DIP2C: variants seen among roughly 807,000 people sequenced by gnomAD.
DIP2C encodes DIP2 acetate--CoA ligase C (putative).
DIP2C carries 33 observed loss-of-function variants against 192.4 expected under a neutral mutation model. The observed-to-expected ratio is 0.17, with a 90% CI of 0.13 to 0.23. The LOEUF (loss-of-function observed/expected upper bound fraction) is 0.23, where lower values mean the gene tolerates loss of function less well. DIP2C is among the 10% of genes least tolerant of loss of function. The probability of loss-of-function intolerance (pLI) is 1.00; values close to 1 mark genes in which losing one functional copy is unlikely to be tolerated. For synonymous variants in DIP2C, 979 were observed against 864.1 expected (o/e 1.13, Z -2.33); for missense variants, 1,537 against 2,110.1 (o/e 0.73, Z 5.32).
intron 3 of DIP2C, among the ~76,000 whole-genome samples, chr10:452,906 G>A (rs1564731057): frequency 3.3e-5 from 5 of 152,196 alleles, no homozygotes; most frequent in African/African-American, 1.2e-4. Context: ...CAACGCCAGC[G>A]GATCACCGGG....
rs1246104845 is a variant in DIP2C, at chr10:666,361, C to T, written c.85+23133G>A. 6.6e-6 allele frequency: 1 copy of T among 152,188 alleles called. No homozygotes were observed. The highest frequency in any genetic ancestry group is 1.5e-5 in the Non-Finnish European group (1 of 68,062). 9.4% of individuals were successfully genotyped at this position (152,188 alleles called of 1,614,324 possible). A position where few individuals can be genotyped will look rare whatever the true frequency, so the allele number is the denominator to read the frequency against. Reference sequence around the variant, plus strand: ...AGCAGGGAGAAGAATCCAGAGCGTCCCCGCCTCCCTCCCTCACCGCCCTCC... The same window carrying T: ...AGCAGGGAGAAGAATCCAGAGCGTCTCCGCCTCCCTCCCTCACCGCCCTCC... On this transcript the variant is annotated intron_variant, in intron 1 of 36. Transcript: ENST00000280886. The surrounding 1 kb of genome is among the most constrained non-coding windows in gnomAD (Gnocchi z 4.1).
At chr10:580,501 AAT>A (rs368874039) in intron 1 of DIP2C, among the ~76,000 whole-genome samples, 161 of 152,272 alleles carry the variant, frequency 1.1e-3, no homozygotes, top group African/African-American at 3.4e-3. Flanking sequence ...GTGTGGATAT[AAT>A]AGTGCCCATA....
chr10:566,203 C>T (rs74115060), intron 1 of DIP2C, among the ~76,000 whole-genome samples: 11,790 of 152,080 alleles, frequency 0.078, 720 homozygotes, highest in African/African-American at 0.16. Flanking sequence ...AAACTGTAAT[C>T]GTAGTTACCA....
chr10:654,154 G>C (rs1379896278), intron 1 of DIP2C, among the ~76,000 whole-genome samples: 1 of 152,344 alleles, frequency 6.6e-6, no homozygotes, highest in East Asian at 1.9e-4. Context: ...AGCACGCAGG[G>C]AGGTGCATTT....
chr10:529,959 C>T (rs935039667), intron 1 of DIP2C, among the ~76,000 whole-genome samples: 3 of 152,222 alleles, frequency 2.0e-5, no homozygotes, highest in East Asian at 1.9e-4. Flanking sequence ...ATTCCTAATT[C>T]GCCACCACGT....
intron 1 of DIP2C, among the ~76,000 whole-genome samples, chr10:560,970 T>A (rs1218100942): frequency 6.6e-6 from 1 of 152,126 alleles, no homozygotes; most frequent in Non-Finnish European, 1.5e-5. Context: ...CCCTTAATCG[T>A]ACAACTCTCT....
chr10:676,674 A>T (rs1830888605), intron 1 of DIP2C, among the ~76,000 whole-genome samples: 1 of 152,152 alleles, frequency 6.6e-6, no homozygotes, highest in South Asian at 2.1e-4. Context: ...AAAATATAAA[A>T]TAAAAATAAA....
chr10:480,166 C>T (rs1463982616), intron 2 of DIP2C, among the ~76,000 whole-genome samples: 1 of 148,836 alleles, frequency 6.7e-6, no homozygotes, highest in African/African-American at 2.5e-5. Context: ...GAGTCTCACC[C>T]GCCAGCCTGA....
chr10:382,904 A>T, intron 16 of DIP2C, 143 bp from the exon 17 acceptor site: 1 of 518,236 alleles, frequency 1.9e-6, no homozygotes. Context: ...ACAATTTATT[A>T]TTTATGTTAC....
intron 32 of DIP2C, among the ~76,000 whole-genome samples, chr10:291,585 T>C (rs911019253): frequency 6.6e-6 from 1 of 152,170 alleles, no homozygotes; most frequent in African/African-American, 2.4e-5. Flanking sequence ...AAAGAACTCA[T>C]AGAAATGAAA....
intron 1 of DIP2C, among the ~76,000 whole-genome samples, chr10:676,577 TGAAC>T (rs905448213): frequency 6.7e-6 from 1 of 149,780 alleles, no homozygotes; most frequent in Admixed American, 6.6e-5. Flanking sequence ...GAATACAAAA[TGAAC>T]ATATAAAAAT....
intron 1 of DIP2C, among the ~76,000 whole-genome samples, chr10:557,440 A>G (rs1848937389): frequency 6.6e-6 from 1 of 151,398 alleles, no homozygotes; most frequent in Non-Finnish European, 1.5e-5. Context: ...GTCACACAGC[A>G]ACAGACAGTG....
intron 1 of DIP2C, among the ~76,000 whole-genome samples, chr10:620,670 A>C (rs1172783558): frequency 6.6e-6 from 1 of 152,226 alleles, no homozygotes; most frequent in Non-Finnish European, 1.5e-5. Flanking sequence ...AAAAATGACA[A>C]AGTATCTGAA....
chr10:548,519 G>GGCAGGC (rs1848422311), intron 1 of DIP2C, among the ~76,000 whole-genome samples: 1 of 110,582 alleles, frequency 9.0e-6, no homozygotes, highest in African/African-American at 5.1e-5. Flanking sequence ...GGGAGGGAGG[G>GGCAGGC]AGGCAGGCAG....
chr10:588,759 C>A (rs567784523), intron 1 of DIP2C, among the ~76,000 whole-genome samples: 194 of 152,322 alleles, frequency 1.3e-3, no homozygotes, highest in South Asian at 3.9e-3. Flanking sequence ...CAGGCTACCC[C>A]AGCCTGCCAG....
chr10:389,159 G>A (rs1759662688), intron 13 of DIP2C, among the ~76,000 whole-genome samples: 1 of 150,348 alleles, frequency 6.7e-6, no homozygotes, highest in Admixed American at 6.6e-5. Flanking sequence ...GGTTCTCTGG[G>A]GTCTCAAAGG....
chr10:385,121 A>G (rs1962777793), intron 14 of DIP2C, among the ~76,000 whole-genome samples: 1 of 150,522 alleles, frequency 6.6e-6, no homozygotes, highest in South Asian at 2.1e-4. Flanking sequence ...AGCAGCTCTC[A>G]TGGAGCACCG....
At chr10:328,394 G>T (rs977024812) in intron 30 of DIP2C, among the ~76,000 whole-genome samples, 1 of 152,186 alleles carries the variant, frequency 6.6e-6, no homozygotes, top group Non-Finnish European at 1.5e-5. Context: ...AGTTTCCTCA[G>T]CTTTAAAATG....
At chr10:316,304 A>T (rs1956770889) in intron 31 of DIP2C, among the ~76,000 whole-genome samples, 1 of 152,244 alleles carries the variant, frequency 6.6e-6, no homozygotes, top group African/African-American at 2.4e-5. Context: ...CCCAGAAAAG[A>T]ATTTACAAGC....
Sources: allele counts gnomAD v4.1 joint callset (sites outside exome capture counted in the v4.1 genomes callset), GRCh38; gene constraint gnomAD v4.1.1; non-coding constraint Gnocchi (gnomAD v3.1); transcripts MANE v1.5; gene names NCBI Gene and HGNC (gene_info 2026-07-23, HGNC 2026-07-21).